LRRC7: variants seen among roughly 807,000 people sequenced by gnomAD.
The protein encoded by LRRC7 is leucine-rich repeat-containing protein 7.
A neutral mutation model predicts 175.7 loss-of-function variants in LRRC7; 23 were observed. The ratio of observed to expected loss-of-function variants is 0.13; its 90% CI spans 0.09 to 0.19. The LOEUF (loss-of-function observed/expected upper bound fraction) is 0.19, where lower values mean the gene tolerates loss of function less well. LRRC7 is among the 10% of genes least tolerant of loss of function. The pLI, the probability that LRRC7 is intolerant of heterozygous loss-of-function variation, is 1.00. For missense variants in LRRC7, 1,354 were observed against 1,904.7 expected, an observed-to-expected ratio of 0.71 and a Z score of 5.38; for synonymous variants, 685 against 680.9, an observed-to-expected ratio of 1.01 and a Z score of -0.09.
chr1:69,613,591 T>C (rs145264518), intron 1 of LRRC7, among the ~76,000 whole-genome samples: 1 of 152,174 alleles, frequency 6.6e-6, no homozygotes, highest in African/African-American at 2.4e-5. Context: ...TGCCTGCATT[T>C]TCAATTGATG....
chr1:69,786,272 C>G (rs1473325001), intron 3 of LRRC7, among the ~76,000 whole-genome samples: 1 of 152,076 alleles, frequency 6.6e-6, no homozygotes. Context: ...ATTCCAGTCT[C>G]TAACACAAGA....
Position 70,076,256 on chromosome 1 carries a change from T to C in LRRC7, c.4410T>C (p.Ile1470=). Reference sequence around the variant, plus strand: ...GACCTCAGCCTGGACGGTGCTTAATTCAAACTAAAGGGCAAAGGAGTATGG... The same window carrying C: ...GACCTCAGCCTGGACGGTGCTTAATCCAAACTAAAGGGCAAAGGAGTATGG... The part of the protein sequence containing the change: ...TRGPQPGRCL[I]QTKGQRSMDG... Residue 1470 remains isoleucine (I), a synonymous_variant, in exon 24 of 27, where the codon ATT becomes ATC. Transcript: ENST00000651989. The C allele has an allele frequency of 2.5e-6, 4 of 1,614,052 alleles. No individual in the cohort carries two copies. Among genetic ancestry groups the C allele is most frequent in the Non-Finnish European group, 2.5e-6 (3 of 1,179,962 alleles).
intron 13 of LRRC7, chr1:70,013,833 A>T (rs981453016): frequency 6.6e-6 from 1 of 152,164 alleles, no homozygotes; most frequent in East Asian, 1.9e-4. Context: ...AATTGATAAT[A>T]AAAGGAACTG....
intron 3 of LRRC7, among the ~76,000 whole-genome samples, chr1:69,786,263 T>G (rs549550152): frequency 6.6e-6 from 1 of 152,082 alleles, no homozygotes; most frequent in Non-Finnish European, 1.5e-5. Context: ...ATACTGTGAA[T>G]TCCAGTCTCT....
chr1:70,103,097 C>T (rs1052365168), intron 25 of LRRC7, among the ~76,000 whole-genome samples: 1 of 151,960 alleles, frequency 6.6e-6, no homozygotes, highest in African/African-American at 2.4e-5. Flanking sequence ...GGTGTGGTAG[C>T]ACATGCCTGT....
chr1:69,919,777 G>A (rs939417509), intron 7 of LRRC7: 14 of 915,312 alleles, frequency 1.5e-5, no homozygotes, highest in Admixed American at 3.8e-5. Context: ...CGCGGCGGAC[G>A]GGGGAGATGA....
intron 3 of LRRC7, among the ~76,000 whole-genome samples, chr1:69,778,669 A>G (rs1306204842): frequency 1.3e-5 from 2 of 152,118 alleles, no homozygotes. Flanking sequence ...GTGGCTAAGT[A>G]TGAATGGAGT....
chr1:69,587,776 A>C (rs1190990078), intron 1 of LRRC7, among the ~76,000 whole-genome samples: 1 of 151,950 alleles, frequency 6.6e-6, no homozygotes, highest in Non-Finnish European at 1.5e-5. Flanking sequence ...CCCTATTATT[A>C]TCTCTCTCTC....
chr1:69,975,688 T>G (rs1396498343), intron 8 of LRRC7, among the ~76,000 whole-genome samples: 1 of 152,226 alleles, frequency 6.6e-6, no homozygotes, highest in Non-Finnish European at 1.5e-5. Flanking sequence ...TTACCTCATT[T>G]CCTACTTCAT....
intron 2 of LRRC7, among the ~76,000 whole-genome samples, chr1:69,703,446 A>C (rs1303087526): frequency 6.6e-6 from 1 of 151,906 alleles, no homozygotes; most frequent in Non-Finnish European, 1.5e-5. Flanking sequence ...GACTTAACAA[A>C]ATTTTGTTTC....
intron 7 of LRRC7, chr1:69,920,062 G>A: frequency 3.1e-6 from 1 of 321,516 alleles, no homozygotes; most frequent in South Asian, 4.9e-5. Flanking sequence ...CCATTAAGGA[G>A]TTGACTTCAG....
At chr1:69,677,211 TATATATA>T (rs1003064990) in intron 1 of LRRC7, among the ~76,000 whole-genome samples, 6 of 143,002 alleles carry the variant, frequency 4.2e-5, no homozygotes, top group African/African-American at 1.5e-4. Context: ...CCCACATCTA[TATATATA>T]ATATATAACA....
Position 69,972,050 on chromosome 1 carries a change from T to G in LRRC7, c.712-8329T>G, listed in dbSNP as rs13375768. Among the ~76,000 whole-genome samples the G allele has an allele frequency of 4.8e-3, 737 of 152,274 alleles. 5 individuals carry two copies. The highest frequency in any genetic ancestry group is 0.017 in the African/African-American group (696 of 41,562). On this transcript the variant is annotated intron_variant, in intron 8 of 26. Coordinates refer to ENST00000651989, the MANE Select transcript of LRRC7 (RefSeq NM_001370785.2). ...GGACACCTTATTCAACAAATAGCGCTGGGATAATTGGCAAGCCACATGTAG... is the reference window on the plus strand; with the variant it reads ...GGACACCTTATTCAACAAATAGCGCGGGGATAATTGGCAAGCCACATGTAG...
chr1:69,649,838 G>A (rs2100476266), intron 1 of LRRC7, among the ~76,000 whole-genome samples: 1 of 145,864 alleles, frequency 6.9e-6, no homozygotes, highest in East Asian at 1.9e-4. Flanking sequence ...ATGGCTTAAA[G>A]AATCAAAGTG....
intron 18 of LRRC7, 58 bp downstream of exon 18, chr1:70,028,429 A>G: frequency 1.4e-6 from 2 of 1,451,742 alleles, no homozygotes; most frequent in Non-Finnish European, 9.5e-7. Context: ...AATTTTAAAT[A>G]TGTTTTTTAA....
At chr1:70,117,225 A>G (rs1396763243) in intron 26 of LRRC7, among the ~76,000 whole-genome samples, 1 of 152,202 alleles carries the variant, frequency 6.6e-6, no homozygotes, top group Non-Finnish European at 1.5e-5. Context: ...CCCTGTGGCC[A>G]GGCCTTCTCT....
intron 4 of LRRC7, among the ~76,000 whole-genome samples, chr1:69,802,969 T>C (rs965991657): frequency 6.6e-6 from 1 of 151,364 alleles, no homozygotes; most frequent in African/African-American, 2.4e-5. Context: ...CTCTATATGA[T>C]CAAAATTTAT....
intron 1 of LRRC7, among the ~76,000 whole-genome samples, chr1:69,576,245 T>C (rs1645944232): frequency 8.0e-6 from 1 of 124,260 alleles, no homozygotes; most frequent in Admixed American, 8.3e-5. Flanking sequence ...AAAAAGTTAC[T>C]TTGGAAGGTC....
intron 1 of LRRC7, among the ~76,000 whole-genome samples, chr1:69,626,036 T>A (rs1472775934): frequency 6.8e-6 from 1 of 148,024 alleles, no homozygotes; most frequent in Non-Finnish European, 1.5e-5. Flanking sequence ...ATGTAAATGA[T>A]CTATTTTTGC....
Sources: gnomAD v4.1 joint callset for allele counts (sites outside exome capture counted in the v4.1 genomes callset) on GRCh38, gnomAD v4.1.1 for gene constraint, MANE v1.5 for transcripts, NCBI Gene and HGNC (gene_info 2026-07-23, HGNC 2026-07-21) for gene names.